ERGIC2: variants seen among roughly 807,000 people sequenced by gnomAD.
ERGIC2 encodes endoplasmic reticulum-Golgi intermediate compartment protein 2.
ERGIC2 carries 31 observed loss-of-function variants against 52.5 expected under a neutral mutation model. That is an observed-to-expected ratio of 0.59 (90% CI 0.44 to 0.80). ERGIC2 has a LOEUF of 0.80. Among genes scored for constraint, ERGIC2 ranks in the 30% least tolerant of loss-of-function variants. The pLI, the probability that ERGIC2 is intolerant of heterozygous loss-of-function variation, is 0.00. For missense variants in ERGIC2, 395 were observed against 455.2 expected (o/e 0.87, Z 1.20); for synonymous variants, 129 against 140.6 (o/e 0.92, Z 0.58).
chr12:29,373,455 C>G (rs569282536), intron 1 of ERGIC2, among the ~76,000 whole-genome samples: 8 of 152,168 alleles, frequency 5.3e-5, no homozygotes, highest in Admixed American at 5.2e-4. Context: ...AGCAGACAGA[C>G]TTTGGGTCTG....
chr12:29,340,906 C>G lies in ERGIC2; in HGVS notation c.*250G>C. The G allele has an allele frequency of 1.9e-6, 1 of 522,058 alleles. No homozygotes were observed. The highest frequency in any genetic ancestry group is 3.5e-6 in the Non-Finnish European group (1 of 284,916). 32.3% of individuals were successfully genotyped at this position (522,058 alleles called of 1,614,324 possible). ...CTATGAAAATATAAGAAGGCGTCATCTTCAAAGCAACACTCCAGTTGGGCT... is the reference window on the plus strand; with the variant it reads ...CTATGAAAATATAAGAAGGCGTCATGTTCAAAGCAACACTCCAGTTGGGCT... On this transcript the variant is annotated 3_prime_UTR_variant, in exon 14 of 14. Transcript: ENST00000360150.
At chr12:29,365,213 C>T (rs1337387899) in intron 5 of ERGIC2, among the ~76,000 whole-genome samples, 3 of 152,096 alleles carry the variant, frequency 2.0e-5, no homozygotes, top group Admixed American at 2.0e-4. Context: ...CCTAGGTACT[C>T]ATCAGTGGTA....
At chr12:29,367,102 C>T (rs1940375580) in intron 4 of ERGIC2, among the ~76,000 whole-genome samples, 155 bp from the exon 5 acceptor site, 1 of 149,142 alleles carries the variant, frequency 6.7e-6, no homozygotes, top group South Asian at 2.1e-4. Flanking sequence ...ATATATTTGT[C>T]CAAAAGCTAA....
intron 1 of ERGIC2, among the ~76,000 whole-genome samples, chr12:29,376,248 A>G (rs1339876030): frequency 6.6e-6 from 1 of 152,146 alleles, no homozygotes. Context: ...TAATTTTCCC[A>G]GGCTACATAG....
At chr12:29,345,394 CT>C (rs766428648) in intron 11 of ERGIC2, 48 bp downstream of exon 11, 6 of 1,097,094 alleles carry the variant, frequency 5.5e-6, no homozygotes. Flanking sequence ...CTTTAAAATG[CT>C]TTTTTAAAAA....
rs1337637515 is a variant in ERGIC2 at position 29,341,821 on chromosome 12, A to T, written c.989-5T>A. ...TTCCAATTCCATGTAACATGCCTGTAATAAACAATAAGTTTATGCTTTTAA... is the reference window on the plus strand; with the variant it reads ...TTCCAATTCCATGTAACATGCCTGTTATAAACAATAAGTTTATGCTTTTAA... On this transcript the variant is annotated splice_region_variant and splice_polypyrimidine_tract_variant and intron_variant, in intron 12 of 13. Transcript: ENST00000360150. 5 of 1,384,164 alleles carry T rather than the reference A, an allele frequency of 3.6e-6. No homozygotes were observed. The highest frequency in any genetic ancestry group is 4.1e-6 in the Non-Finnish European group (4 of 971,188). The allele number at this position is 1,384,164 out of a possible 1,614,324, so 85.7% of individuals were successfully genotyped here.
At chr12:29,356,519 G>A in intron 7 of ERGIC2, 42 bp from the exon 8 acceptor site, 1 of 1,033,080 alleles carries the variant, frequency 9.7e-7, no homozygotes. Flanking sequence ...ATTCAATACA[G>A]TTACCATTTT....
intron 5 of ERGIC2, 79 bp downstream of exon 5, chr12:29,366,798 A>C (rs767668737): frequency 1.1e-5 from 8 of 733,234 alleles, no homozygotes; most frequent in Non-Finnish European, 1.8e-5. Flanking sequence ...TTTCAGACAA[A>C]ACTAAAAGCA....
chr12:29,349,236 G>A, intron 9 of ERGIC2, 59 bp from the exon 10 acceptor site: 1 of 745,720 alleles, frequency 1.3e-6, no homozygotes, highest in South Asian at 1.9e-5. Context: ...AAAATTACTT[G>A]GTACAGACTG....
chr12:29,351,744 G>A (rs1940133739), intron 8 of ERGIC2, among the ~76,000 whole-genome samples: 1 of 152,268 alleles, frequency 6.6e-6, no homozygotes. Flanking sequence ...ATACTTGGAT[G>A]GCTTTCCTTA....
At chr12:29,370,799 A>G (rs1940430717) in intron 2 of ERGIC2, among the ~76,000 whole-genome samples, 1 of 152,072 alleles carries the variant, frequency 6.6e-6, no homozygotes, top group African/African-American at 2.4e-5. Flanking sequence ...TCTACTTGGC[A>G]ATCTCCTAAA....
intron 8 of ERGIC2, 114 bp downstream of exon 8, chr12:29,356,268 C>T (rs778225076): frequency 9.8e-6 from 6 of 615,290 alleles, no homozygotes; most frequent in Non-Finnish European, 1.8e-5. Flanking sequence ...GGTGATCCAC[C>T]CGCCTCAGCC....
intron 13 of ERGIC2, 65 bp downstream of exon 13, chr12:29,341,669 G>A (rs1371742258): frequency 1.2e-6 from 1 of 855,574 alleles, no homozygotes; most frequent in South Asian, 1.5e-5. Context: ...CACCATGACT[G>A]GCTCATAGAC....
intron 3 of ERGIC2, among the ~76,000 whole-genome samples, chr12:29,369,147 G>A (rs1231314519): frequency 6.6e-6 from 1 of 151,878 alleles, no homozygotes; most frequent in African/African-American, 2.4e-5. Flanking sequence ...AATAACCCAG[G>A]AGTTTAGGCT....
At chr12:29,344,214 G>A (rs914744018) in intron 11 of ERGIC2, among the ~76,000 whole-genome samples, 6 of 152,068 alleles carry the variant, frequency 3.9e-5, no homozygotes, top group African/African-American at 1.4e-4. Context: ...ACAATGCAAC[G>A]AATAGCCTGA....
At chr12:29,364,081 T>C (rs769988124) in intron 5 of ERGIC2, among the ~76,000 whole-genome samples, 3 of 152,034 alleles carry the variant, frequency 2.0e-5, no homozygotes, top group Middle Eastern at 6.8e-3. Flanking sequence ...TGAAACCAAA[T>C]TGAGAAAGAG....
chr12:29,370,756 A>G (rs537208334), intron 2 of ERGIC2, among the ~76,000 whole-genome samples: 47 of 152,036 alleles, frequency 3.1e-4, no homozygotes, highest in South Asian at 8.3e-4. Context: ...CAGAAACTCA[A>G]ATAACATCTC....
chr12:29,348,372 C>A (rs1239227717), intron 10 of ERGIC2, among the ~76,000 whole-genome samples: 1 of 152,014 alleles, frequency 6.6e-6, no homozygotes, highest in Non-Finnish European at 1.5e-5. Flanking sequence ...GAACAAGCTT[C>A]AGAAGTCCTT....
rs1351074045 is a variant in ERGIC2 at position 29,350,158 on chromosome 12, A to G, written c.573-90T>C. ...AACTGGATCTTCCCTAAGTTATATA[A>G]TTTTTCTTAGTACAAAATAACATAA... On this transcript the variant is annotated intron_variant, in intron 8 of 13. Coordinates refer to ENST00000360150, the MANE Select transcript of ERGIC2 (RefSeq NM_016570.3). 21 of 775,906 alleles carry G rather than the reference A, an allele frequency of 2.7e-5. 1 individual carries two copies. In the Middle Eastern group the frequency reaches 2.1e-3, roughly 77 times the overall value. 48.1% of individuals were successfully genotyped at this position (775,906 alleles called of 1,614,324 possible). A position where few individuals can be genotyped will look rare whatever the true frequency, so the allele number is the denominator to read the frequency against.
Sources: gnomAD v4.1 joint callset for allele counts (sites outside exome capture counted in the v4.1 genomes callset) on GRCh38, gnomAD v4.1.1 for gene constraint, MANE v1.5 for transcripts, NCBI Gene and HGNC (gene_info 2026-07-23, HGNC 2026-07-21) for gene names.